ROBO2: variants seen among roughly 807,000 people sequenced by gnomAD.
ROBO2 encodes the protein roundabout homolog 2.
A neutral mutation model predicts 160.8 loss-of-function variants in ROBO2; 53 were observed. The observed-to-expected ratio is 0.33, with a 90% CI of 0.26 to 0.41. The LOEUF (loss-of-function observed/expected upper bound fraction) is 0.41, where lower values mean the gene tolerates loss of function less well. Ranked by LOEUF, ROBO2 falls within the 10% of genes least tolerant of loss-of-function variation. The pLI is 1.00. For missense variants in ROBO2, 1,577 were observed against 1,722.4 expected, an observed-to-expected ratio of 0.92 and a Z score of 1.49; for synonymous variants, 664 against 611.7, an observed-to-expected ratio of 1.09 and a Z score of -1.26.
chr3:75,953,009 T>C (rs1948604508), intron 2 of ROBO2, among the ~76,000 whole-genome samples: 1 of 151,982 alleles, frequency 6.6e-6, no homozygotes. Context: ...ACACAGTTTA[T>C]TTTTCCATTC....
At chr3:76,519,792 A>T (rs2081509094) in intron 2 of ROBO2, among the ~76,000 whole-genome samples, 1 of 152,168 alleles carries the variant, frequency 6.6e-6, no homozygotes, top group East Asian at 1.9e-4. Flanking sequence ...TTTTTCTTAA[A>T]GTTTCTGGCT....
intron 2 of ROBO2, among the ~76,000 whole-genome samples, chr3:77,380,088 A>G (rs538946884): frequency 6.6e-6 from 1 of 152,318 alleles, no homozygotes; most frequent in East Asian, 1.9e-4. Flanking sequence ...GCCTCTGTGC[A>G]GTAGAGAAGT....
upstream of ROBO2, among the ~76,000 whole-genome samples, chr3:77,035,977 A>G (rs1476557902): frequency 6.6e-6 from 1 of 151,988 alleles, no homozygotes; most frequent in Non-Finnish European, 1.5e-5. Context: ...AGAAAAATTG[A>G]TTACATATTT....
At chr3:77,256,716 GC>G (rs1417601965) in intron 2 of ROBO2, among the ~76,000 whole-genome samples, 1 of 152,162 alleles carries the variant, frequency 6.6e-6, no homozygotes, top group African/African-American at 2.4e-5. Context: ...AGAGGCTTCT[GC>G]GAAGAGCAGA....
intron 2 of ROBO2, among the ~76,000 whole-genome samples, chr3:77,239,027 G>C (rs1297422244): frequency 6.6e-6 from 1 of 152,134 alleles, no homozygotes; most frequent in Non-Finnish European, 1.5e-5. Flanking sequence ...CAGCCCTGTG[G>C]AATCCACAGA....
At chr3:76,277,763 T>A (rs995397060) in intron 2 of ROBO2, among the ~76,000 whole-genome samples, 43 of 152,064 alleles carry the variant, frequency 2.8e-4, no homozygotes, top group African/African-American at 8.2e-4. Flanking sequence ...GCGATTTGAT[T>A]CTTAAAGATG....
chr3:77,300,025 A>G (rs956981161), intron 2 of ROBO2, among the ~76,000 whole-genome samples: 1 of 152,164 alleles, frequency 6.6e-6, no homozygotes, highest in African/African-American at 2.4e-5. Flanking sequence ...CTTTCTCCCA[A>G]AAATATTTAA....
At chr3:76,830,379 A>G (rs1459257086) in intron 2 of ROBO2, among the ~76,000 whole-genome samples, 1 of 152,138 alleles carries the variant, frequency 6.6e-6, no homozygotes, top group Non-Finnish European at 1.5e-5. Flanking sequence ...ATTCCTTTGC[A>G]TAAGGTTTTC....
At chr3:76,513,011 A>G (rs943491393) in intron 2 of ROBO2, among the ~76,000 whole-genome samples, 1 of 152,150 alleles carries the variant, frequency 6.6e-6, no homozygotes, top group African/African-American at 2.4e-5. Context: ...AATACATAAC[A>G]CAGTTTAATT....
At chr3:76,034,127 C>G (rs905243479) in intron 2 of ROBO2, among the ~76,000 whole-genome samples, 1 of 152,180 alleles carries the variant, frequency 6.6e-6, no homozygotes, top group Non-Finnish European at 1.5e-5. Context: ...TTTCATCACT[C>G]TAGCACTCTG....
At chr3:76,920,575 C>T (rs1200410225) in intron 2 of ROBO2, among the ~76,000 whole-genome samples, 1 of 152,208 alleles carries the variant, frequency 6.6e-6, no homozygotes, top group Non-Finnish European at 1.5e-5. Flanking sequence ...GCTGTGGATA[C>T]TGCACCAAGC....
chr3:76,433,707 CT>C (rs2109037093), intron 2 of ROBO2, among the ~76,000 whole-genome samples: 1 of 152,254 alleles, frequency 6.6e-6, no homozygotes, highest in African/African-American at 2.4e-5. Flanking sequence ...ACTTGTGAGA[CT>C]GTTGATGTCC....
chr3:76,109,750 T>C (rs1212684120), intron 2 of ROBO2, among the ~76,000 whole-genome samples: 1 of 151,980 alleles, frequency 6.6e-6, no homozygotes, highest in Non-Finnish European at 1.5e-5. Context: ...GTTTGAGCTT[T>C]TATTGTACCA....
In ROBO2 at chr3:76,753,407, G is replaced by A. The variant is rs149540273; in HGVS notation, c.110-344607G>A. ...TGCCCTTATGCATTTGGAAAATAAT[G>A]ATTCAATAATGTATGAATCCAATAA... On this transcript the variant is annotated intron_variant, in intron 2 of 26. Transcript: ENST00000487694. 6.5e-3 allele frequency among the ~76,000 whole-genome samples: 987 copies of A among 151,700 alleles called. 6 individuals are homozygous for A. Among genetic ancestry groups the A allele is most frequent in the Middle Eastern group, 0.024 (7 of 294 alleles).
At chr3:76,381,828 G>A (rs1181775904) in intron 2 of ROBO2, among the ~76,000 whole-genome samples, 1 of 152,108 alleles carries the variant, frequency 6.6e-6, no homozygotes, top group Non-Finnish European at 1.5e-5. Flanking sequence ...CGCCTTATGT[G>A]TCACTGCTAA....
At chr3:77,236,369 G>A (rs754092310) in intron 2 of ROBO2, among the ~76,000 whole-genome samples, 35 of 152,102 alleles carry the variant, frequency 2.3e-4, no homozygotes, top group African/African-American at 8.2e-4. Flanking sequence ...AATGTTCATC[G>A]GACTTAAGGT....
chr3:76,770,965 G>T (rs1270249622), intron 2 of ROBO2, among the ~76,000 whole-genome samples: 1 of 151,234 alleles, frequency 6.6e-6, no homozygotes, highest in East Asian at 2.0e-4. Context: ...GAATCTACTG[G>T]TATGTTTTCA....
At chr3:77,448,198 A>T (rs2080757537) in intron 2 of ROBO2, among the ~76,000 whole-genome samples, 1 of 152,100 alleles carries the variant, frequency 6.6e-6, no homozygotes, top group South Asian at 2.1e-4. Context: ...GGCCTTGCTG[A>T]TTCCACATTT....
At chr3:76,018,061 T>C (rs1369048746) in intron 2 of ROBO2, among the ~76,000 whole-genome samples, 1 of 152,008 alleles carries the variant, frequency 6.6e-6, no homozygotes, top group Non-Finnish European at 1.5e-5. Context: ...CAGAGATGCA[T>C]AGGAAAATTC....
Sources: allele counts gnomAD v4.1 joint callset (sites outside exome capture counted in the v4.1 genomes callset), GRCh38; gene constraint gnomAD v4.1.1; transcripts MANE v1.5; gene names NCBI Gene and HGNC (gene_info 2026-07-23, HGNC 2026-07-21).